The following CSMD3 variants were observed in gnomAD, a reference collection of about 807,000 sequenced individuals.
CSMD3 encodes CUB and sushi domain-containing protein 3.
A neutral mutation model predicts 435.2 loss-of-function variants in CSMD3; 177 were observed. The ratio of observed to expected loss-of-function variants is 0.41; its 90% CI spans 0.36 to 0.46. CSMD3 has a LOEUF of 0.46. Ranked by LOEUF, CSMD3 falls within the 20% of genes least tolerant of loss-of-function variation. The pLI is 0.34. For synonymous variants in CSMD3, 1,656 were observed against 1,520.5 expected, an observed-to-expected ratio of 1.09 and a Z score of -2.07; for missense variants, 4,265 against 4,504.6, an observed-to-expected ratio of 0.95 and a Z score of 1.52.
At position 112,652,403 on chromosome 8, in the gene CSMD3, G is replaced by T. The variant is rs116756016; in HGVS notation, c.3005-2054C>A. ...GAACCTCTAACATTGTAGTAAAATC[G>T]TCTAAAATCAGAGAAATGGGGGTTG... On this transcript the variant is annotated intron_variant, in intron 18 of 70. Coordinates refer to ENST00000297405, the MANE Select transcript of CSMD3 (RefSeq NM_198123.2). Among the ~76,000 whole-genome samples the T allele has an allele frequency of 6.2e-3, 947 of 152,098 alleles. 13 individuals carry two copies. Among genetic ancestry groups the T allele is most frequent in the African/African-American group, 0.022 (901 of 41,478 alleles).
At chr8:112,589,632 C>T (rs986572762) in intron 22 of CSMD3, among the ~76,000 whole-genome samples, 3 of 151,998 alleles carry the variant, frequency 2.0e-5, no homozygotes, top group Non-Finnish European at 4.4e-5. Flanking sequence ...CTTATTTAAA[C>T]TGAGAAGATA....
chr8:112,762,036 G>T (rs1271086925), intron 13 of CSMD3, among the ~76,000 whole-genome samples: 1 of 151,856 alleles, frequency 6.6e-6, no homozygotes, highest in Non-Finnish European at 1.5e-5. Context: ...CAACCTTCTG[G>T]TTTACCTTCT....
intron 3 of CSMD3, among the ~76,000 whole-genome samples, chr8:113,217,327 A>G (rs1472272549): frequency 6.6e-6 from 1 of 151,768 alleles, no homozygotes; most frequent in East Asian, 1.9e-4. Flanking sequence ...ACCTTGACAT[A>G]CAAAGAAGCA....
chr8:112,929,091 G>A (rs1225799585), intron 9 of CSMD3, among the ~76,000 whole-genome samples: 1 of 149,704 alleles, frequency 6.7e-6, no homozygotes, highest in East Asian at 2.0e-4. Flanking sequence ...GTCTTCTTTT[G>A]AGAAGTGTCT....
chr8:112,556,683 G>T, intron 25 of CSMD3, 80 bp downstream of exon 25: 1 of 1,167,338 alleles, frequency 8.6e-7, no homozygotes, highest in Non-Finnish European at 1.3e-6. Flanking sequence ...TATGAGGACA[G>T]AAAGAATTTC....
chr8:112,549,306 T>C (rs1249631508), intron 27 of CSMD3, among the ~76,000 whole-genome samples: 1 of 152,036 alleles, frequency 6.6e-6, no homozygotes, highest in Non-Finnish European at 1.5e-5. Context: ...CATTGGTAAA[T>C]GTTTTCTAAT....
chr8:113,136,910 C>T (rs1288312902), intron 4 of CSMD3, among the ~76,000 whole-genome samples: 1 of 151,520 alleles, frequency 6.6e-6, no homozygotes, highest in Non-Finnish European at 1.5e-5. Flanking sequence ...GTCAAGCAGA[C>T]AGCCTATAAA....
rs79351449 is a variant in CSMD3, at chr8:113,320,999, T to C, written c.179-6206A>G. ...CATTCTATTAACTGTCTCTTAAATC[T>C]ATCTCTAGTCCCCTCTTTGTTTTTC... On this transcript the variant is annotated intron_variant, in intron 1 of 70. Transcript: ENST00000297405. Among the ~76,000 whole-genome samples, 1,261 of 152,210 alleles carry C rather than the reference T, an allele frequency of 8.3e-3. 17 individuals carry two copies. Among genetic ancestry groups the C allele is most frequent in the African/African-American group, 0.028 (1,181 of 41,564 alleles).
intron 32 of CSMD3, among the ~76,000 whole-genome samples, chr8:112,424,567 T>C (rs1812854184): frequency 6.6e-6 from 1 of 152,228 alleles, no homozygotes; most frequent in Non-Finnish European, 1.5e-5. Context: ...AAGAATAAGA[T>C]AGGTAATTCC....
intron 5 of CSMD3, among the ~76,000 whole-genome samples, chr8:113,041,623 G>A (rs1321924453): frequency 6.6e-6 from 1 of 152,042 alleles, no homozygotes; most frequent in Non-Finnish European, 1.5e-5. Context: ...CAACTGGTAT[G>A]AGTTATGTTT....
chr8:112,722,435 C>T (rs550711967), intron 13 of CSMD3, among the ~76,000 whole-genome samples: 2 of 152,132 alleles, frequency 1.3e-5, no homozygotes, highest in East Asian at 1.9e-4. Context: ...AAGGTTGTTA[C>T]GATTAGAAGA....
chr8:113,368,688 G>A (rs2094328689), intron 1 of CSMD3, among the ~76,000 whole-genome samples: 1 of 152,142 alleles, frequency 6.6e-6, no homozygotes, highest in East Asian at 1.9e-4. Flanking sequence ...ATGCCCTGAT[G>A]ACACGTCAAT....
chr8:112,518,368 C>T (rs1261139138), intron 27 of CSMD3, among the ~76,000 whole-genome samples: 1 of 151,696 alleles, frequency 6.6e-6, no homozygotes, highest in Non-Finnish European at 1.5e-5. Context: ...ATTAGCCCAG[C>T]ATGGTGGTGC....
At chr8:112,562,379 ATTT>A (rs913353691) in intron 24 of CSMD3, among the ~76,000 whole-genome samples, 2 of 151,576 alleles carry the variant, frequency 1.3e-5, no homozygotes, top group African/African-American at 4.8e-5. Context: ...TACTTGCTTT[ATTT>A]TTTTAATTCA....
At chr8:113,251,701 T>A (rs2093336482) in intron 3 of CSMD3, among the ~76,000 whole-genome samples, 1 of 152,014 alleles carries the variant, frequency 6.6e-6, no homozygotes, top group Admixed American at 6.6e-5. Context: ...GGAGCATTAA[T>A]TTAAACACAC....
At position 113,355,219 on chromosome 8, in the gene CSMD3, G is replaced by GTA. The variant is rs1406756559; in HGVS notation, c.179-40428_179-40427dup. Among the ~76,000 whole-genome samples, 23 of 151,958 alleles carry GTA rather than the reference G, an allele frequency of 1.5e-4. No individual in the cohort carries two copies. The East Asian group carries it at 3.3e-3, about 22-fold the overall frequency. The stretch of plus-strand genomic sequence containing the variant: ...AATTCTATCTATATTCCTAATGTGG[G>GTA]TATATATATAAACATGTATGTGTAG... On this transcript the variant is annotated intron_variant, in intron 1 of 70. Transcript: ENST00000297405.
intron 17 of CSMD3, among the ~76,000 whole-genome samples, chr8:112,659,547 G>A (rs919042051): frequency 2.0e-5 from 3 of 152,112 alleles, no homozygotes; most frequent in Non-Finnish European, 4.4e-5. Context: ...GACTGATAGT[G>A]ATAGCATGCA....
rs779362635 is a variant in CSMD3, at chr8:112,237,239, C to T, written c.10578G>A (p.Gly3526=). 2 of 1,613,608 alleles carry T rather than the reference C, an allele frequency of 1.2e-6. No individual in the cohort carries two copies. Among genetic ancestry groups the T allele is most frequent in the African/African-American group, 1.3e-5 (1 of 75,028 alleles). Residue 3526 remains glycine (G), a synonymous_variant, in exon 67 of 71, where the codon GGG becomes GGA. Transcript: ENST00000297405. The stretch of plus-strand genomic sequence containing the variant: ...TATTGCTCAGTGTTGCGTTAACTCT[C>T]CCAGTGGAAGCATTGAAACTAGTAA... The part of the protein sequence containing the change: ...LTVTSFNAST[G]RVNATLSNSN...
At chr8:113,024,922 G>A (rs146853171) in intron 5 of CSMD3, among the ~76,000 whole-genome samples, 250 of 152,132 alleles carry the variant, frequency 1.6e-3, no homozygotes, top group Non-Finnish European at 2.5e-3. Flanking sequence ...ATCATTCCAC[G>A]CTCTACCTCC....
Sources: gnomAD v4.1 joint callset for allele counts (sites outside exome capture counted in the v4.1 genomes callset) on GRCh38, gnomAD v4.1.1 for gene constraint, MANE v1.5 for transcripts, NCBI Gene and HGNC (gene_info 2026-07-23, HGNC 2026-07-21) for gene names.